CSNK1G3: variants seen among roughly 807,000 people sequenced by gnomAD.
CSNK1G3 encodes casein kinase I isoform gamma-3.
A neutral mutation model predicts 64.3 loss-of-function variants in CSNK1G3; 23 were observed. The ratio of observed to expected loss-of-function variants is 0.36; its 90% CI spans 0.26 to 0.51. The LOEUF is 0.51. Among genes scored for constraint, CSNK1G3 ranks in the 20% least tolerant of loss-of-function variants. The pLI is 0.96. For missense variants in CSNK1G3, 357 were observed against 510.5 expected (o/e 0.70, Z 2.90); for synonymous variants, 158 against 162.2 (o/e 0.97, Z 0.20).
intron 1 of CSNK1G3, among the ~76,000 whole-genome samples, chr5:123,513,253 C>T (rs1286599885): frequency 6.6e-6 from 1 of 152,162 alleles, no homozygotes; most frequent in African/African-American, 2.4e-5. Context: ...GGAAGTGACA[C>T]TGAGAAGCAT....
Position 123,573,374 on chromosome 5 carries a change from A to G in CSNK1G3, c.290-19A>G. On this transcript the variant is annotated intron_variant, in intron 4 of 12. Transcript: ENST00000345990. ...TTTAAGATGATGAAATTATTAAATG[A>G]GTATTTCTTTTCCCCCAGATGGTAT... The G allele has an allele frequency of 6.2e-7, 1 of 1,610,040 alleles. No homozygotes were observed.
intron 10 of CSNK1G3, among the ~76,000 whole-genome samples, chr5:123,592,037 A>G (rs1187917281): frequency 6.6e-6 from 1 of 152,036 alleles, no homozygotes; most frequent in Non-Finnish European, 1.5e-5. Flanking sequence ...TATTATTATT[A>G]CAATAAATAC....
At chr5:123,570,376 CAG>C (rs1247910444) in intron 4 of CSNK1G3, among the ~76,000 whole-genome samples, 2 of 113,968 alleles carry the variant, frequency 1.8e-5, no homozygotes, top group Non-Finnish European at 3.5e-5. Flanking sequence ...CTTTTTGAAA[CAG>C]AGTCTTGCTG....
rs1008202721 is a variant in CSNK1G3 at position 123,611,252 on chromosome 5, CTT to C, written c.1218-3089_1218-3088del. On this transcript the variant is annotated intron_variant, in intron 12 of 12. Transcript: ENST00000345990. ...TATATCGTATTTTGAGAACCTCTCT[CTT>C]GTCTATTTGGATGCATTTGTATCAC... Among the ~76,000 whole-genome samples, 11 of 152,286 alleles carry C rather than the reference CTT, an allele frequency of 7.2e-5. 1 individual carries two copies. Among genetic ancestry groups the C allele is most frequent in the Admixed American group, 3.9e-4 (6 of 15,290 alleles).
intron 10 of CSNK1G3, among the ~76,000 whole-genome samples, chr5:123,598,802 A>G (rs990925624): frequency 6.6e-6 from 1 of 152,118 alleles, no homozygotes; most frequent in Non-Finnish European, 1.5e-5. Flanking sequence ...TTTTCTAAAG[A>G]TTGCGTTTGC....
intron 4 of CSNK1G3, among the ~76,000 whole-genome samples, chr5:123,566,994 A>G (rs779672095): frequency 2.0e-4 from 31 of 152,298 alleles, no homozygotes; most frequent in South Asian, 4.1e-4. Flanking sequence ...AGGCGGGGCA[A>G]TTTACAAAAG....
At chr5:123,521,407 A>G (rs1778075808) in intron 1 of CSNK1G3, among the ~76,000 whole-genome samples, 1 of 152,162 alleles carries the variant, frequency 6.6e-6, no homozygotes, top group Non-Finnish European at 1.5e-5. Context: ...GTTTGTAGTT[A>G]ATAAAGTATC....
chr5:123,514,520 C>T (rs1324438367), intron 1 of CSNK1G3, among the ~76,000 whole-genome samples: 2 of 152,174 alleles, frequency 1.3e-5, no homozygotes, highest in African/African-American at 4.8e-5. Flanking sequence ...TCAGTACTGC[C>T]TTCAAGGGAG....
At chr5:123,561,323 A>C (rs931128371) in intron 4 of CSNK1G3, among the ~76,000 whole-genome samples, 1 of 152,248 alleles carries the variant, frequency 6.6e-6, no homozygotes, top group Non-Finnish European at 1.5e-5. Flanking sequence ...TTAAAGCTAA[A>C]GAAATGGATG....
chr5:123,551,670 C>T (rs1456400398), intron 2 of CSNK1G3, among the ~76,000 whole-genome samples: 2 of 152,104 alleles, frequency 1.3e-5, no homozygotes, highest in East Asian at 3.8e-4. Context: ...TACTGTTCAT[C>T]AGCTGCTGTA....
chr5:123,552,917 A>G (rs1783965523), intron 2 of CSNK1G3, 190 bp from the exon 3 acceptor site: 2 of 359,096 alleles, frequency 5.6e-6, no homozygotes, highest in African/African-American at 2.1e-5. Flanking sequence ...CTCTGAATCT[A>G]GGTGAAATAC....
At chr5:123,538,778 A>C (rs1448621789) in intron 1 of CSNK1G3, among the ~76,000 whole-genome samples, 2 of 152,148 alleles carry the variant, frequency 1.3e-5, no homozygotes, top group African/African-American at 4.8e-5. Context: ...CAGCGTATTT[A>C]TACACACTCA....
chr5:123,612,968 G>C (rs1426139482), intron 12 of CSNK1G3, among the ~76,000 whole-genome samples: 1 of 152,112 alleles, frequency 6.6e-6, no homozygotes, highest in African/African-American at 2.4e-5. Flanking sequence ...GGAAACCAGG[G>C]ATACTCAACC....
chr5:123,545,675 A>C, exon 2 of CSNK1G3: 1 of 1,611,562 alleles, frequency 6.2e-7, no homozygotes. Flanking sequence ...TGGAAAATAA[A>C]AAGAAAGACA....
chr5:123,587,471 G>A (rs1003093665), intron 6 of CSNK1G3, among the ~76,000 whole-genome samples: 1 of 152,130 alleles, frequency 6.6e-6, no homozygotes, highest in Non-Finnish European at 1.5e-5. Flanking sequence ...ATGACATTTT[G>A]TTACAACAAC....
chr5:123,595,383 T>C (rs1163261867), intron 10 of CSNK1G3, among the ~76,000 whole-genome samples: 1 of 152,188 alleles, frequency 6.6e-6, no homozygotes, highest in Non-Finnish European at 1.5e-5. Context: ...TTAAGTCATA[T>C]AGCAGATTAG....
intron 10 of CSNK1G3, among the ~76,000 whole-genome samples, chr5:123,592,025 GTTA>G (rs1034469251): frequency 1.2e-4 from 18 of 152,030 alleles, no homozygotes; most frequent in African/African-American, 3.6e-4. Context: ...TGCTGTTACT[GTTA>G]TTATTATTAC....
chr5:123,546,005 G>C (rs1581038449), intron 2 of CSNK1G3, 164 bp downstream of exon 2: 1 of 652,564 alleles, frequency 1.5e-6, no homozygotes, highest in Non-Finnish European at 2.6e-6. Context: ...GTATTTTCAT[G>C]TGTAAGGAAT....
chr5:123,526,882 A>G (rs3064348), intron 1 of CSNK1G3, among the ~76,000 whole-genome samples: 8,914 of 35,824 alleles, frequency 0.25, 355 homozygotes, highest in Middle Eastern at 0.33. Context: ...GTGTGTGTGT[A>G]TGAACATAAT....
Sources: gnomAD v4.1 joint callset for allele counts (sites outside exome capture counted in the v4.1 genomes callset) on GRCh38, gnomAD v4.1.1 for gene constraint, MANE v1.5 for transcripts, NCBI Gene and HGNC (gene_info 2026-07-23, HGNC 2026-07-21) for gene names.